The following RELN variants were observed in gnomAD, a reference collection of about 807,000 sequenced individuals.
RELN encodes the protein reelin.
RELN carries 108 observed loss-of-function variants against 427.6 expected under a neutral mutation model. The ratio of observed to expected loss-of-function variants is 0.25; its 90% CI spans 0.22 to 0.30. The LOEUF is 0.30. RELN is among the 10% of genes least tolerant of loss of function. The probability of loss-of-function intolerance (pLI) is 1.00; values close to 1 mark genes in which losing one functional copy is unlikely to be tolerated. For synonymous variants in RELN, 1,524 were observed against 1,513.4 expected (o/e 1.01, Z -0.16); for missense variants, 3,715 against 4,302.8 (o/e 0.86, Z 3.82).
At chr7:103,614,328 T>C (rs1419060230) in intron 20 of RELN, among the ~76,000 whole-genome samples, 3 of 152,202 alleles carry the variant, frequency 2.0e-5, no homozygotes, top group African/African-American at 7.2e-5. Flanking sequence ...TTAGTCACTA[T>C]CCAGTGATTG....
chr7:103,503,364 T>C, intron 51 of RELN, 134 bp from the exon 52 acceptor site: 1 of 784,500 alleles, frequency 1.3e-6, no homozygotes, highest in Admixed American at 2.0e-5. Flanking sequence ...TCAGATTCAT[T>C]ATTTGTTCTG....
chr7:103,899,004 T>C (rs1441937884), intron 2 of RELN, among the ~76,000 whole-genome samples: 2 of 151,762 alleles, frequency 1.3e-5, no homozygotes, highest in Non-Finnish European at 2.9e-5. Flanking sequence ...CTTCCCAAAC[T>C]GTCCCATACA....
intron 12 of RELN, among the ~76,000 whole-genome samples, chr7:103,659,594 A>G (rs936628405): frequency 6.6e-6 from 1 of 151,918 alleles, no homozygotes; most frequent in African/African-American, 2.4e-5. Flanking sequence ...TTCAAATGCC[A>G]TCTCCTTCAT....
intron 4 of RELN, among the ~76,000 whole-genome samples, chr7:103,770,038 T>C (rs1791524744): frequency 6.6e-6 from 1 of 152,084 alleles, no homozygotes; most frequent in African/African-American, 2.4e-5. Flanking sequence ...TCTTAAACCC[T>C]ACCCCAGTCA....
At chr7:103,559,704 A>G (rs1016082538) in intron 36 of RELN, among the ~76,000 whole-genome samples, 1 of 152,176 alleles carries the variant, frequency 6.6e-6, no homozygotes, top group Non-Finnish European at 1.5e-5. Flanking sequence ...CCCCCACTGT[A>G]GCTGGGACTA....
intron 46 of RELN, among the ~76,000 whole-genome samples, chr7:103,525,870 A>T (rs897375603): frequency 2.6e-5 from 4 of 152,224 alleles, no homozygotes; most frequent in Admixed American, 6.5e-5. Flanking sequence ...TTGTATTAAA[A>T]GTGCCTATTC....
chr7:103,566,371 C>G lies in RELN; in HGVS notation c.4789G>C (p.Gly1597Arg). 6.2e-7 allele frequency: 1 copy of G among 1,614,108 alleles called. No homozygotes were observed. Among genetic ancestry groups the G allele is most frequent in the Non-Finnish European group, 8.5e-7 (1 of 1,180,004 alleles). ...AQWALDDVLI[G>R]MNDSSQTGFQ... ...CCAGTTTGAGAGCTGTCATTCATTC[C>G]TATAAGAACATCATCCAAAGCCCAC... Residue 1597 changes from glycine to arginine, a missense_variant, in exon 33 of 65, where the codon GGA (glycine) becomes CGA (arginine). Physicochemically the swap from Gly to Arg is moderately radical, Grantham distance 125. Around this residue, in one of 4 missense-constraint regions of RELN, gnomAD observed 2,208 missense variants for 2,361.7 expected, o/e 0.93. Transcript: ENST00000428762.
intron 45 of RELN, among the ~76,000 whole-genome samples, 170 bp downstream of exon 45, chr7:103,538,908 C>T (rs1213861962): frequency 1.3e-5 from 2 of 152,108 alleles, no homozygotes; most frequent in South Asian, 4.1e-4. Context: ...TTTTAAAACT[C>T]AGTTTTTTAA....
chr7:103,917,610 A>C (rs572830408), intron 1 of RELN, among the ~76,000 whole-genome samples: 9 of 152,094 alleles, frequency 5.9e-5, no homozygotes, highest in African/African-American at 2.2e-4. Flanking sequence ...AGCTGAAAGA[A>C]GAACAGTAAG....
chr7:103,861,682 T>C (rs1794074849), intron 2 of RELN, among the ~76,000 whole-genome samples: 1 of 152,122 alleles, frequency 6.6e-6, no homozygotes, highest in Non-Finnish European at 1.5e-5. Flanking sequence ...AAATCAAAAA[T>C]AGGTCATTGG....
chr7:103,641,445 A>T (rs576007049), intron 16 of RELN, among the ~76,000 whole-genome samples: 1 of 152,308 alleles, frequency 6.6e-6, no homozygotes, highest in East Asian at 1.9e-4. Context: ...TTCAAATTCA[A>T]TGAATTGTAG....
At chr7:103,610,270 G>C (rs1831919384) in intron 22 of RELN, among the ~76,000 whole-genome samples, 1 of 152,172 alleles carries the variant, frequency 6.6e-6, no homozygotes, top group Admixed American at 6.5e-5. Flanking sequence ...CATGAATAGA[G>C]AAAGGGTGTA....
rs139927371 is a variant in RELN at position 103,960,059 on chromosome 7, T to G, written c.226+29072A>C. On this transcript the variant is annotated intron_variant, in intron 1 of 64. Transcript: ENST00000428762. ...CTGCCCCCACTCCCCTCCACTTCTCTGGCAGTTCATTCTCAATTCAGCAGC... is the reference window on the plus strand; with the variant it reads ...CTGCCCCCACTCCCCTCCACTTCTCGGGCAGTTCATTCTCAATTCAGCAGC... Among the ~76,000 whole-genome samples, 459 of 152,318 alleles carry G rather than the reference T, an allele frequency of 3.0e-3. 1 individual carries two copies. Among genetic ancestry groups the G allele is most frequent in the African/African-American group, 9.0e-3 (376 of 41,578 alleles).
At chr7:103,729,702 T>G (rs1219235491) in intron 6 of RELN, among the ~76,000 whole-genome samples, 1 of 152,122 alleles carries the variant, frequency 6.6e-6, no homozygotes, top group Non-Finnish European at 1.5e-5. Context: ...GCATGTTCCT[T>G]TTGAGCACAT....
chr7:103,562,225 T>C (rs963152183), intron 34 of RELN, among the ~76,000 whole-genome samples: 1 of 152,210 alleles, frequency 6.6e-6, no homozygotes, highest in Non-Finnish European at 1.5e-5. Context: ...AATGGAAAAG[T>C]TATTTTGAAC....
intron 20 of RELN, 58 bp from the exon 21 acceptor site, chr7:103,611,861 T>C: frequency 7.1e-7 from 1 of 1,410,086 alleles, no homozygotes; most frequent in Non-Finnish European, 1.0e-6. Flanking sequence ...TAGAGAAAAA[T>C]TAAAGTCTTC....
rs552662534 is a variant in RELN, at chr7:103,587,838, C to T, written c.4145+1758G>A. Among the ~76,000 whole-genome samples the T allele has an allele frequency of 5.9e-5, 9 of 152,172 alleles. 1 individual carries two copies. The Middle Eastern group carries it at 0.01, about 173-fold the overall frequency. ...AAAACCACAATAAAATATTGTCTTA[C>T]CCCAGTCACAGTGGTTATTATTCAA... On this transcript the variant is annotated intron_variant, in intron 28 of 64. Transcript: ENST00000428762.
intron 3 of RELN, among the ~76,000 whole-genome samples, chr7:103,789,485 T>C (rs1217445128): frequency 6.6e-6 from 1 of 151,574 alleles, no homozygotes; most frequent in African/African-American, 2.4e-5. Flanking sequence ...AACTTAAATT[T>C]ACAAGAAAAA....
At chr7:103,671,678 G>C (rs1366198532) in intron 11 of RELN, among the ~76,000 whole-genome samples, 2 of 152,108 alleles carry the variant, frequency 1.3e-5, no homozygotes, top group African/African-American at 4.8e-5. Flanking sequence ...AGATGAAGTT[G>C]CAGTACAGTA....
Sources: allele counts gnomAD v4.1 joint callset (sites outside exome capture counted in the v4.1 genomes callset), GRCh38; gene constraint gnomAD v4.1.1; regional missense constraint gnomAD v4.1.1; transcripts MANE v1.5; gene names NCBI Gene and HGNC (gene_info 2026-07-23, HGNC 2026-07-21).